Variants in STK32B observed in about 807,000 individuals in gnomAD.
STK32B encodes the protein serine/threonine kinase 32B.
Under a neutral mutation model 52.6 loss-of-function variants are expected in STK32B, and 43 were observed. The observed-to-expected ratio is 0.82, with a 90% CI of 0.64 to 1.05. STK32B has a LOEUF of 1.05. Ranked by LOEUF, STK32B falls within the 50% of genes least tolerant of loss-of-function variation. The pLI is 0.00. For missense variants in STK32B, 621 were observed against 534.6 expected, an observed-to-expected ratio of 1.16 and a Z score of -1.59; for synonymous variants, 238 against 204.3, an observed-to-expected ratio of 1.17 and a Z score of -1.41.
chr4:5,159,598 AATAT>A (rs770311072), intron 2 of STK32B, among the ~76,000 whole-genome samples: 2 of 97,802 alleles, frequency 2.0e-5, no homozygotes, highest in Non-Finnish European at 3.7e-5. Context: ...AATATATATG[AATAT>A]ATATATGAAT....
chr4:5,268,778 G>T (rs949206117), intron 3 of STK32B, among the ~76,000 whole-genome samples: 1 of 151,980 alleles, frequency 6.6e-6, no homozygotes, highest in Non-Finnish European at 1.5e-5. Context: ...CCGAAAGCAG[G>T]CTAAGGGCTT....
intron 11 of STK32B, among the ~76,000 whole-genome samples, chr4:5,493,637 C>T (rs905336408): frequency 2.0e-5 from 3 of 152,080 alleles, no homozygotes; most frequent in African/African-American, 7.2e-5. Flanking sequence ...GATGTGTTTG[C>T]TCTTGCTTCT....
intron 3 of STK32B, among the ~76,000 whole-genome samples, chr4:5,314,121 G>A (rs1165380548): frequency 6.7e-6 from 1 of 149,720 alleles, no homozygotes; most frequent in African/African-American, 2.4e-5. Flanking sequence ...AAGCAATTTT[G>A]AAAAAAAAAT....
intron 3 of STK32B, among the ~76,000 whole-genome samples, chr4:5,223,908 T>C (rs918143105): frequency 3.9e-5 from 6 of 152,220 alleles, no homozygotes; most frequent in Admixed American, 3.3e-4. Context: ...AGACCTGTTA[T>C]TCCTTTCCTC....
rs543979586 is a variant in STK32B at position 5,290,879 on chromosome 4, A to G, written c.261-40341A>G. 5.9e-5 allele frequency among the ~76,000 whole-genome samples: 9 copies of G among 152,296 alleles called. No homozygotes were observed. The East Asian group carries it at 1.4e-3, about 23-fold the overall frequency. On this transcript the variant is annotated intron_variant, in intron 3 of 11. Coordinates refer to ENST00000282908, the MANE Select transcript of STK32B (RefSeq NM_018401.3). ...AAAATTTCAGCTATAATATTTGCCA[A>G]TATTGCAAGCTGATAGTAAAATTCA...
chr4:5,456,460 G>A (rs767426436), intron 7 of STK32B, among the ~76,000 whole-genome samples: 101 of 152,350 alleles, frequency 6.6e-4, no homozygotes, highest in Non-Finnish European at 1.1e-3. Flanking sequence ...CCTGGTGGAC[G>A]GCAAGAGTCA....
At chr4:5,242,295 T>A (rs779089081) in intron 3 of STK32B, among the ~76,000 whole-genome samples, 12 of 152,232 alleles carry the variant, frequency 7.9e-5, no homozygotes, top group African/African-American at 2.4e-4. Context: ...GGTATCTCAT[T>A]GTGGTTTTGA....
chr4:5,428,806 A>G (rs1049533722), intron 6 of STK32B, among the ~76,000 whole-genome samples: 11 of 152,150 alleles, frequency 7.2e-5, no homozygotes, highest in African/African-American at 2.4e-4. Context: ...ATTTAGGATC[A>G]TTACGTCTTC....
chr4:5,176,970 G>T (rs1400727766), intron 3 of STK32B, among the ~76,000 whole-genome samples: 4 of 152,150 alleles, frequency 2.6e-5, no homozygotes, highest in African/African-American at 7.2e-5. Context: ...TTCCTCACTT[G>T]TCATAATGAC....
chr4:5,477,847 G>A (rs1255400253), intron 11 of STK32B, among the ~76,000 whole-genome samples: 2 of 152,172 alleles, frequency 1.3e-5, no homozygotes, highest in African/African-American at 2.4e-5. Context: ...GGGAACAGGG[G>A]CCAGAGTGTG....
the STK32B span, among the ~76,000 whole-genome samples, chr4:5,022,952 G>C: frequency 6.6e-6 from 1 of 152,144 alleles, no homozygotes. Flanking sequence ...TATCAGGTGA[G>C]AGCTGAGAGG....
intron 3 of STK32B, among the ~76,000 whole-genome samples, chr4:5,219,980 A>T (rs2108795216): frequency 6.6e-6 from 1 of 152,334 alleles, no homozygotes; most frequent in Admixed American, 6.5e-5. Context: ...GAATGAACCC[A>T]AGTTTAAGGT....
At chr4:5,419,478 G>A (rs1023268890) in intron 6 of STK32B, among the ~76,000 whole-genome samples, 2 of 152,180 alleles carry the variant, frequency 1.3e-5, no homozygotes, top group African/African-American at 2.4e-5. Context: ...TTTATCAAGA[G>A]CCCTTTCAAT....
chr4:5,490,105 G>C lies in STK32B; in HGVS notation c.1107-8840G>C, dbSNP rs533662495. Among the ~76,000 whole-genome samples the C allele has an allele frequency of 2.1e-5, 3 of 141,832 alleles. No individual in the cohort carries two copies. In the South Asian group the frequency reaches 6.8e-4, roughly 32 times the overall value. The allele number at this position is 141,832 out of a possible 152,430, so 93.0% of individuals were successfully genotyped here. A position where few individuals can be genotyped will look rare whatever the true frequency, so the allele number is the denominator to read the frequency against. On this transcript the variant is annotated intron_variant, in intron 11 of 11. Coordinates refer to ENST00000282908, the MANE Select transcript of STK32B (RefSeq NM_018401.3). ...TTTTAAGATCTTTTTGTTGTTTTAA[G>C]TAGGCATTTTTTTTTTTTTTCTAGA...
At chr4:5,248,842 G>A (rs4380463) in intron 3 of STK32B, among the ~76,000 whole-genome samples, 12,086 of 151,534 alleles carry the variant, frequency 0.08, 733 homozygotes, top group African/African-American at 0.17. Context: ...ACCAAACACC[G>A]CCTGTTCTCA....
chr4:5,143,284 G>C (rs1394695978), intron 2 of STK32B, among the ~76,000 whole-genome samples: 1 of 152,208 alleles, frequency 6.6e-6, no homozygotes, highest in Non-Finnish European at 1.5e-5. Context: ...AGAGAAAAGA[G>C]TTCACATGTA....
At chr4:5,363,213 A>C (rs1319701098) in intron 4 of STK32B, among the ~76,000 whole-genome samples, 1 of 152,232 alleles carries the variant, frequency 6.6e-6, no homozygotes. Context: ...AAATTTTATA[A>C]ATACATCTTT....
Position 5,466,693 on chromosome 4 carries a change from T to C in STK32B, c.910-10T>C. 2 of 1,607,254 alleles carry C rather than the reference T, an allele frequency of 1.2e-6. No homozygotes were observed. Among genetic ancestry groups the C allele is most frequent in the East Asian group, 2.2e-5 (1 of 44,762 alleles). On this transcript the variant is annotated splice_polypyrimidine_tract_variant and intron_variant, in intron 9 of 11. Transcript: ENST00000282908. ...AGACAGACCATGTTTTCTTTTCTAC[T>C]CCCCTTTAGAAAGGGAGGTTGAACT... is the stretch of plus-strand genomic sequence containing the variant.
chr4:5,390,415 G>T (rs911395513), intron 4 of STK32B, among the ~76,000 whole-genome samples: 10 of 152,194 alleles, frequency 6.6e-5, no homozygotes, highest in Non-Finnish European at 1.5e-4. Context: ...GGTCCCAGAG[G>T]GTTGAGGACC....
Sources: gnomAD v4.1 joint callset for allele counts (sites outside exome capture counted in the v4.1 genomes callset) on GRCh38, gnomAD v4.1.1 for gene constraint, MANE v1.5 for transcripts, NCBI Gene and HGNC (gene_info 2026-07-23, HGNC 2026-07-21) for gene names.